MAGI1: variants seen among roughly 807,000 people sequenced by gnomAD.
MAGI1 encodes membrane associated guanylate kinase, WW and PDZ domain containing 1, also known as membrane-associated guanylate kinase, WW and PDZ domain-containing protein 1.
A neutral mutation model predicts 139.9 loss-of-function variants in MAGI1; 58 were observed. The observed-to-expected ratio is 0.41, with a 90% confidence interval of 0.34 to 0.52. MAGI1 has a LOEUF of 0.52. MAGI1 is among the 20% of genes least tolerant of loss of function. The pLI is 0.12. For synonymous variants in MAGI1, 812 were observed against 737.9 expected (o/e 1.10, Z -1.63); for missense variants, 1,874 against 1,901.6 (o/e 0.99, Z 0.27).
chr3:65,788,625 C>G (rs1178954089), intron 1 of MAGI1, among the ~76,000 whole-genome samples: 1 of 152,196 alleles, frequency 6.6e-6, no homozygotes. Flanking sequence ...AAAATCATCT[C>G]TACGGTAGCT....
intron 2 of MAGI1, among the ~76,000 whole-genome samples, chr3:65,595,730 A>C (rs2082160133): frequency 6.6e-6 from 1 of 152,050 alleles, no homozygotes; most frequent in South Asian, 2.1e-4. Flanking sequence ...TAAACACAGA[A>C]ATACAACTTG....
chr3:65,973,662 A>G (rs925644970), intron 1 of MAGI1, among the ~76,000 whole-genome samples: 27 of 152,236 alleles, frequency 1.8e-4, no homozygotes, highest in African/African-American at 6.5e-4. Context: ...CTTTGTTCCT[A>G]ATTATTCTAA....
chr3:65,687,812 T>C (rs2088193885), intron 1 of MAGI1: 11 of 590,842 alleles, frequency 1.9e-5, no homozygotes, highest in South Asian at 6.9e-5. Context: ...GTTCTTCTGA[T>C]GCTACAGTGA....
chr3:65,358,954 C>G, intron 22 of MAGI1: 3 of 972,294 alleles, frequency 3.1e-6, no homozygotes, highest in Non-Finnish European at 4.9e-6. Flanking sequence ...ATTCAAAGAA[C>G]GCAGGGTGCT....
intron 5 of MAGI1, among the ~76,000 whole-genome samples, chr3:65,456,654 T>C (rs918651885): frequency 1.3e-5 from 2 of 152,228 alleles, no homozygotes; most frequent in African/African-American, 4.8e-5. Context: ...GTTTTATGTT[T>C]TACATTTCAG....
At chr3:65,707,829 C>T (rs1432253345) in intron 1 of MAGI1, among the ~76,000 whole-genome samples, 1 of 151,692 alleles carries the variant, frequency 6.6e-6, no homozygotes. Context: ...AACCTTTAAA[C>T]TATATTGATA....
intron 10 of MAGI1, 108 bp from the exon 11 acceptor site, chr3:65,430,989 C>G (rs1947410868): frequency 1.4e-5 from 15 of 1,036,800 alleles, no homozygotes; most frequent in Non-Finnish European, 1.8e-5. Flanking sequence ...TGCCCTAGAG[C>G]CTTTGGGCAT....
chr3:65,569,911 G>A (rs1359689278), intron 2 of MAGI1, among the ~76,000 whole-genome samples: 1 of 151,516 alleles, frequency 6.6e-6, no homozygotes, highest in Non-Finnish European at 1.5e-5. Context: ...TTTATCTGGT[G>A]AATTATTTTT....
chr3:66,013,868 T>C (rs2107518675), intron 1 of MAGI1, among the ~76,000 whole-genome samples: 1 of 152,102 alleles, frequency 6.6e-6, no homozygotes, highest in Middle Eastern at 3.4e-3. Context: ...GAAAACATCG[T>C]CAATGATTTG....
At chr3:65,962,947 A>T (rs548605366) in intron 1 of MAGI1, among the ~76,000 whole-genome samples, 182 of 151,528 alleles carry the variant, frequency 1.2e-3, no homozygotes, top group African/African-American at 4.2e-3. Flanking sequence ...AGCAAAAAAA[A>T]AAAAAAAGTT....
chr3:65,401,946 C>T (rs1252003384), intron 12 of MAGI1: 10 of 971,668 alleles, frequency 1.0e-5, no homozygotes, highest in Non-Finnish European at 1.1e-5. Context: ...TTTTTTTGGT[C>T]TTTTCTTTTT....
At chr3:65,765,910 T>A (rs2037431802) in intron 1 of MAGI1, among the ~76,000 whole-genome samples, 1 of 152,226 alleles carries the variant, frequency 6.6e-6, no homozygotes, top group Non-Finnish European at 1.5e-5. Context: ...AAAACATTTG[T>A]GAACCCTGGT....
At chr3:65,657,642 A>G (rs753921298) in intron 1 of MAGI1, among the ~76,000 whole-genome samples, 2 of 152,188 alleles carry the variant, frequency 1.3e-5, no homozygotes, top group Non-Finnish European at 2.9e-5. Flanking sequence ...GAATGACAAC[A>G]TCACGAAAGT....
intron 1 of MAGI1, among the ~76,000 whole-genome samples, chr3:65,758,575 G>A (rs945331444): frequency 6.6e-6 from 1 of 152,046 alleles, no homozygotes; most frequent in African/African-American, 2.4e-5. Context: ...CTCAACTGGG[G>A]GGGAATATCA....
intron 1 of MAGI1, among the ~76,000 whole-genome samples, chr3:66,016,925 T>C (rs1340983245): frequency 6.6e-6 from 1 of 152,144 alleles, no homozygotes; most frequent in Non-Finnish European, 1.5e-5. Context: ...TTCACTTTTA[T>C]GAGGTATCTG....
intron 2 of MAGI1, among the ~76,000 whole-genome samples, chr3:65,546,443 T>C (rs1461551858): frequency 6.6e-6 from 1 of 152,242 alleles, no homozygotes; most frequent in African/African-American, 2.4e-5. Flanking sequence ...TTTATAAATA[T>C]TGGGCTTGCA....
chr3:65,996,933 C>G (rs942165472), intron 1 of MAGI1, among the ~76,000 whole-genome samples: 5 of 152,364 alleles, frequency 3.3e-5, no homozygotes, highest in African/African-American at 1.2e-4. Context: ...CGAATGACGT[C>G]ATCTCCAACA....
At chr3:65,382,674 C>T (rs534273080) in intron 15 of MAGI1, among the ~76,000 whole-genome samples, 6 of 152,288 alleles carry the variant, frequency 3.9e-5, no homozygotes, top group Middle Eastern at 6.8e-3. Flanking sequence ...GCTACCTTTA[C>T]GTGGCATTTA....
At chr3:66,022,310 G>A (rs528112907) in intron 1 of MAGI1, among the ~76,000 whole-genome samples, 5 of 152,156 alleles carry the variant, frequency 3.3e-5, no homozygotes, top group African/African-American at 9.6e-5. Flanking sequence ...ATTTTCCCAC[G>A]GAGTTGAAGA....
Sources: gnomAD v4.1 joint callset for allele counts (sites outside exome capture counted in the v4.1 genomes callset) on GRCh38, gnomAD v4.1.1 for gene constraint, MANE v1.5 for transcripts, NCBI Gene and HGNC (gene_info 2026-07-23, HGNC 2026-07-21) for gene names.